The following NALF1 variants were observed in gnomAD, a reference collection of about 807,000 sequenced individuals.
The protein encoded by NALF1 is family with sequence similarity 155 member A.
A neutral mutation model predicts 48.4 loss-of-function variants in NALF1; 3 were observed. The ratio of observed to expected loss-of-function variants is 0.06; its 90% CI spans 0.03 to 0.16. The LOEUF is 0.16. Among genes scored for constraint, NALF1 ranks in the 10% least tolerant of loss-of-function variants. The pLI is 1.00. For missense variants in NALF1, 526 were observed against 571.5 expected, an observed-to-expected ratio of 0.92 and a Z score of 0.81; for synonymous variants, 262 against 245.7, an observed-to-expected ratio of 1.07 and a Z score of -0.62.
chr13:107,302,906 T>C (rs905209315), intron 1 of NALF1, among the ~76,000 whole-genome samples: 38 of 152,130 alleles, frequency 2.5e-4, no homozygotes, highest in African/African-American at 8.2e-4. Context: ...TGAAAAACAT[T>C]GTTAGCTTGA....
At chr13:107,294,071 G>A (rs767157377) in intron 1 of NALF1, among the ~76,000 whole-genome samples, 1 of 152,126 alleles carries the variant, frequency 6.6e-6, no homozygotes, top group Admixed American at 6.5e-5. Context: ...TGTTGGAGAA[G>A]GACTCTGCCT....
intron 1 of NALF1, among the ~76,000 whole-genome samples, chr13:107,864,185 T>TA (rs993667367): frequency 3.9e-5 from 6 of 152,160 alleles, no homozygotes; most frequent in South Asian, 2.1e-4. Context: ...GTGATATGGT[T>TA]AAAAAAATAG....
chr13:107,562,452 G>A (rs1877675159), intron 1 of NALF1, among the ~76,000 whole-genome samples: 1 of 152,222 alleles, frequency 6.6e-6, no homozygotes, highest in Admixed American at 6.5e-5. Context: ...CTCCGACCCT[G>A]CTGTGCCTCC....
intron 1 of NALF1, among the ~76,000 whole-genome samples, chr13:107,522,430 A>C (rs1424428952): frequency 6.6e-6 from 1 of 152,106 alleles, no homozygotes; most frequent in African/African-American, 2.4e-5. Flanking sequence ...ATCCATCCCT[A>C]AAGTTTCACT....
At chr13:107,835,207 A>G (rs1289889570) in intron 1 of NALF1, among the ~76,000 whole-genome samples, 2 of 152,218 alleles carry the variant, frequency 1.3e-5, no homozygotes, top group African/African-American at 4.8e-5. Flanking sequence ...GGAGCCTAGA[A>G]GAGCATGGAT....
Position 107,173,023 on chromosome 13 carries a change from C to A in NALF1, c.1088-2237G>T, listed in dbSNP as rs528226510. ...TTTACTCAAATTTATGAATAACATG[C>A]ATCTATATTAAGATAAAATAATTCC... is the stretch of plus-strand genomic sequence containing the variant. On this transcript the variant is annotated intron_variant, in intron 2 of 2. Coordinates refer to ENST00000375915, the MANE Select transcript of NALF1 (RefSeq NM_001080396.3). Among the ~76,000 whole-genome samples the A allele has an allele frequency of 9.9e-5, 15 of 152,238 alleles. No homozygotes were observed. The South Asian group carries it at 3.1e-3, about 32-fold the overall frequency.
At chr13:107,554,832 GT>G in intron 1 of NALF1, among the ~76,000 whole-genome samples, 1 of 152,092 alleles carries the variant, frequency 6.6e-6, no homozygotes, top group Non-Finnish European at 1.5e-5. Flanking sequence ...TGGAGGGAAG[GT>G]TTTGGTCTCT....
At chr13:107,295,241 T>C (rs1018947421) in intron 1 of NALF1, among the ~76,000 whole-genome samples, 1 of 152,190 alleles carries the variant, frequency 6.6e-6, no homozygotes, top group Non-Finnish European at 1.5e-5. Context: ...ACATGTGGTA[T>C]TTGCTTTTCT....
intron 1 of NALF1, among the ~76,000 whole-genome samples, chr13:107,326,223 T>C (rs1362623334): frequency 1.3e-5 from 2 of 151,876 alleles, no homozygotes; most frequent in Non-Finnish European, 2.9e-5. Context: ...ATCAGTCACA[T>C]CTTAGTGCAC....
intron 1 of NALF1, among the ~76,000 whole-genome samples, chr13:107,569,666 A>G (rs1877928244): frequency 6.6e-6 from 1 of 152,128 alleles, no homozygotes; most frequent in Admixed American, 6.5e-5. Context: ...TAACATCAGG[A>G]AGAGTGATTC....
intron 1 of NALF1, among the ~76,000 whole-genome samples, chr13:107,228,705 C>T (rs543175577): frequency 2.6e-5 from 4 of 152,222 alleles, no homozygotes; most frequent in African/African-American, 7.2e-5. Context: ...CTGCAACCTC[C>T]GCCTCCCGGG....
At chr13:107,804,703 A>G (rs1594279494) in intron 1 of NALF1, among the ~76,000 whole-genome samples, 2 of 152,202 alleles carry the variant, frequency 1.3e-5, no homozygotes, top group East Asian at 1.9e-4. Flanking sequence ...ATGTCTGGAC[A>G]TATCAGCCAT....
intron 1 of NALF1, among the ~76,000 whole-genome samples, chr13:107,374,833 A>G (rs1307690564): frequency 1.3e-5 from 2 of 152,088 alleles, no homozygotes. Context: ...GCTTTCCACC[A>G]TGTTAAGATG....
chr13:107,170,770 A>G lies in NALF1; in HGVS notation c.1104T>C (p.Phe368=). The G allele has an allele frequency of 6.2e-7, 1 of 1,614,162 alleles. No individual in the cohort carries two copies. The highest frequency in any genetic ancestry group is 1.7e-5 in the Admixed American group (1 of 60,022). Residue 368 remains phenylalanine (F), a synonymous_variant, in exon 3 of 3, where the codon TTT becomes TTC. Coordinates refer to ENST00000375915, the MANE Select transcript of NALF1 (RefSeq NM_001080396.3). The part of the protein sequence containing the change: ...SFICTGLYET[F]LTNDEPECCD... ...AGCATTCTGGTTCATCATTGGTTAG[A>G]AAGGTTTCATAAAGCCCTGTAGGAA...
At chr13:107,740,837 T>C (rs1302525344) in intron 1 of NALF1, among the ~76,000 whole-genome samples, 1 of 152,170 alleles carries the variant, frequency 6.6e-6, no homozygotes, top group East Asian at 1.9e-4. Flanking sequence ...GGAATCTCCA[T>C]TGGAAGGAAT....
chr13:107,852,713 C>G (rs1281734049), intron 1 of NALF1, among the ~76,000 whole-genome samples: 1 of 151,916 alleles, frequency 6.6e-6, no homozygotes, highest in African/African-American at 2.4e-5. Flanking sequence ...TCAGAAGAAC[C>G]AGGTTGAAAA....
At position 107,866,727 on chromosome 13, in the gene NALF1, C is replaced by G. The variant is rs997415246; in HGVS notation, c.-131G>C. On this transcript the variant is annotated 5_prime_UTR_variant, in exon 1 of 3. Coordinates refer to ENST00000375915, the MANE Select transcript of NALF1 (RefSeq NM_001080396.3). The surrounding 1 kb of genome is among the most constrained non-coding windows in gnomAD (Gnocchi z 4.4). ...CCCGTTTCTTCTCTCTCCTCTCTCT[C>G]TTTCTCTCTCTTCCCCTCTCCCTCT... 26 of 667,118 alleles carry G rather than the reference C, an allele frequency of 3.9e-5. No homozygotes were observed. Among genetic ancestry groups the G allele is most frequent in the Non-Finnish European group, 5.6e-5 (22 of 395,502 alleles). 41.3% of individuals were successfully genotyped at this position (667,118 alleles called of 1,614,324 possible). A position where few individuals can be genotyped will look rare whatever the true frequency, so the allele number is the denominator to read the frequency against.
At chr13:107,309,163 T>G (rs1194763113) in intron 1 of NALF1, among the ~76,000 whole-genome samples, 1 of 152,190 alleles carries the variant, frequency 6.6e-6, no homozygotes, top group Non-Finnish European at 1.5e-5. Context: ...GTTGAAACCT[T>G]GTAGGCCCTC....
chr13:107,612,738 G>A (rs1308646705), intron 1 of NALF1, among the ~76,000 whole-genome samples: 2 of 152,060 alleles, frequency 1.3e-5, no homozygotes, highest in Non-Finnish European at 2.9e-5. Flanking sequence ...TGGCCCTCCT[G>A]GTTCTTAGGC....
Sources: gnomAD v4.1 joint callset for allele counts (sites outside exome capture counted in the v4.1 genomes callset) on GRCh38, gnomAD v4.1.1 for gene constraint, Gnocchi (gnomAD v3.1) non-coding constraint, MANE v1.5 for transcripts, NCBI Gene and HGNC (gene_info 2026-07-23, HGNC 2026-07-21) for gene names.